IL12RB2: variants seen among roughly 807,000 people sequenced by gnomAD.
IL12RB2 encodes the protein interleukin 12 receptor subunit beta 2, also known as interleukin-12 receptor subunit beta-2.
A neutral mutation model predicts 89.4 loss-of-function variants in IL12RB2; 82 were observed. The observed-to-expected ratio is 0.92, with a 90% CI of 0.77 to 1.10. IL12RB2 has a LOEUF of 1.10. IL12RB2 is among the 50% of genes least tolerant of loss of function. The probability of loss-of-function intolerance (pLI) is 0.00; values close to 1 mark genes in which losing one functional copy is unlikely to be tolerated. For missense variants in IL12RB2, 963 were observed against 1,031.9 expected (o/e 0.93, Z 0.92); for synonymous variants, 368 against 370.1 (o/e 0.99, Z 0.07).
At chr1:67,372,078 CTG>C (rs10674846) in intron 11 of IL12RB2, among the ~76,000 whole-genome samples, 9 of 144,020 alleles carry the variant, frequency 6.2e-5, no homozygotes, top group East Asian at 2.2e-4. Context: ...GTGTGTGTGT[CTG>C]TGTGTGTGTG....
Position 67,380,082 on chromosome 1 carries a change from G to C in IL12RB2, c.1814G>C (p.Gly605Ala). ...VLWMTALTAA[G>A]ESSHGNEREF... ...TGGATGACAGCTCTGACAGCTGCTG[G>C]TGAAAGTTCCCACGGAAATGAGAGG... Residue 605 changes from glycine (G) to alanine (A), a missense_variant, in exon 14 of 17, where the codon GGT becomes GCT. Physicochemically the swap from Gly to Ala is moderately conservative, Grantham distance 60 (BLOSUM62 0). Coordinates refer to ENST00000674203, the MANE Select transcript of IL12RB2 (RefSeq NM_001374259.2). 1 of 1,614,192 alleles carries C rather than the reference G, an allele frequency of 6.2e-7. No homozygotes were observed. The highest frequency in any genetic ancestry group is 1.7e-5 in the Admixed American group (1 of 60,026).
intron 9 of IL12RB2, among the ~76,000 whole-genome samples, chr1:67,345,928 T>G (rs1224487557): frequency 6.6e-6 from 1 of 152,160 alleles, no homozygotes; most frequent in Non-Finnish European, 1.5e-5. Context: ...AAGTTTTGCT[T>G]TCATGAAAGT....
At chr1:67,390,721 T>C (rs759972434) in intron 16 of IL12RB2, among the ~76,000 whole-genome samples, 1 of 151,624 alleles carries the variant, frequency 6.6e-6, no homozygotes, top group African/African-American at 2.4e-5. Flanking sequence ...GGAAAGAAGG[T>C]GAGAAAGCTC....
intron 14 of IL12RB2, among the ~76,000 whole-genome samples, chr1:67,385,504 C>T (rs981436449): frequency 4.6e-5 from 7 of 152,194 alleles, no homozygotes; most frequent in African/African-American, 1.2e-4. Flanking sequence ...ATCACCATGG[C>T]ATTATGGCTT....
chr1:67,309,057 T>TATAC, intron 1 of IL12RB2, among the ~76,000 whole-genome samples: 1 of 151,518 alleles, frequency 6.6e-6, no homozygotes, highest in South Asian at 2.1e-4. Flanking sequence ...TATATATATA[T>TATAC]ATACACACAC....
At chr1:67,309,691 G>A (rs1323576145) in intron 1 of IL12RB2, among the ~76,000 whole-genome samples, 1 of 152,064 alleles carries the variant, frequency 6.6e-6, no homozygotes, top group Non-Finnish European at 1.5e-5. Flanking sequence ...GAGTTTTAGT[G>A]TGAAAAAAAA....
chr1:67,367,782 T>A (rs187137664), intron 10 of IL12RB2, 43 bp from the exon 11 acceptor site: 29 of 1,073,868 alleles, frequency 2.7e-5, no homozygotes, highest in Non-Finnish European at 3.8e-5. Context: ...TCTTTATCCC[T>A]CCTCTTTTTT....
intron 4 of IL12RB2, 32 bp downstream of exon 4, chr1:67,321,921 G>A: frequency 6.3e-7 from 1 of 1,587,444 alleles, no homozygotes; most frequent in Non-Finnish European, 8.7e-7. Context: ...TTTAAAACTT[G>A]GTGATCTTTT....
In IL12RB2 at chr1:67,308,256, C is replaced by G. The variant is rs116492621; in HGVS notation, c.-125+289C>G. Among the ~76,000 whole-genome samples the G allele has an allele frequency of 6.1e-3, 926 of 152,028 alleles. 6 individuals carry two copies. The highest frequency in any genetic ancestry group is 0.021 in the African/African-American group (853 of 41,468). On this transcript the variant is annotated intron_variant, in intron 1 of 16. Transcript: ENST00000674203. ...GGGAGGGAGCGCGCGGACTGAGCCT[C>G]CAAGGTACTCTCTGGGCCGGGGCAC...
At chr1:67,319,362 T>C (rs1441769055) in intron 2 of IL12RB2, among the ~76,000 whole-genome samples, 1 of 152,254 alleles carries the variant, frequency 6.6e-6, no homozygotes, top group African/African-American at 2.4e-5. Flanking sequence ...TGCCAGCTTA[T>C]GTTTTCTGAC....
intron 4 of IL12RB2, among the ~76,000 whole-genome samples, chr1:67,324,292 G>A (rs568006767): frequency 1.8e-4 from 28 of 152,250 alleles, no homozygotes; most frequent in African/African-American, 5.5e-4. Context: ...GCGCAATCTC[G>A]TCTCACTTCA....
At chr1:67,394,968 G>T (rs1310093109) in intron 16 of IL12RB2, among the ~76,000 whole-genome samples, 2 of 152,148 alleles carry the variant, frequency 1.3e-5, no homozygotes, top group African/African-American at 4.8e-5. Flanking sequence ...AGTATAGCTT[G>T]GTTCACATTA....
chr1:67,350,914 G>A lies in IL12RB2; in HGVS notation c.1083G>A (p.Gln361=). 1 of 1,614,086 alleles carries A rather than the reference G, an allele frequency of 6.2e-7. No homozygotes were observed. Among genetic ancestry groups the A allele is most frequent in the Non-Finnish European group, 8.5e-7 (1 of 1,179,990 alleles). Residue 361 remains glutamine, a synonymous_variant, in exon 10 of 17, where the codon CAG becomes CAA. Transcript: ENST00000674203. The part of the protein sequence containing the change: ...SEARGKILHY[Q]VTLQELTGGK... Reference sequence around the variant, plus strand: ...CAAGAGGAAAAATTCTCCACTATCAGGTGACCTTGCAGGAGCTGACAGGAG... The same window carrying A: ...CAAGAGGAAAAATTCTCCACTATCAAGTGACCTTGCAGGAGCTGACAGGAG...
At chr1:67,382,859 C>T (rs922803995) in intron 14 of IL12RB2, among the ~76,000 whole-genome samples, 1 of 152,128 alleles carries the variant, frequency 6.6e-6, no homozygotes, top group Non-Finnish European at 1.5e-5. Context: ...GCTCCTGCCA[C>T]CATGCCCAGC....
chr1:67,316,185 A>C (rs1424936887), intron 2 of IL12RB2, among the ~76,000 whole-genome samples: 1 of 152,176 alleles, frequency 6.6e-6, no homozygotes, highest in African/African-American at 2.4e-5. Context: ...AGGTATCTAA[A>C]TAAATTAGTT....
rs750958597 is a variant in IL12RB2 at position 67,395,878 on chromosome 1, A to C, written c.2378A>C (p.Asp793Ala). ...ACPWTVLPAG[D>A]LPTHDGYLPS... ...CCCTGGACGGTGCTCCCAGCAGGTG[A>C]CCTTCCCACCCATGATGGCTACTTA... Residue 793 changes from aspartate to alanine, a missense_variant, in exon 17 of 17, where the codon GAC (aspartate) becomes GCC (alanine). Physicochemically the swap from Asp to Ala is moderately radical, Grantham distance 126. Transcript: ENST00000674203. 33 of 1,608,424 alleles carry C rather than the reference A, an allele frequency of 2.1e-5. No homozygotes were observed. In the South Asian group the frequency reaches 3.4e-4, roughly 17 times the overall value.
intron 2 of IL12RB2, among the ~76,000 whole-genome samples, chr1:67,314,836 C>T (rs1036886678): frequency 2.0e-5 from 3 of 150,604 alleles, no homozygotes; most frequent in Admixed American, 6.6e-5. Context: ...CCGCCCACCC[C>T]ACCCCCATCC....
At chr1:67,372,308 G>A (rs1391666990) in intron 11 of IL12RB2, 128 bp from the exon 12 acceptor site, 1 of 738,700 alleles carries the variant, frequency 1.4e-6, no homozygotes, top group African/African-American at 1.7e-5. Flanking sequence ...GACTGTGCTT[G>A]AACCATCTTT....
At chr1:67,312,889 A>AGT (rs1342776519) in intron 1 of IL12RB2, among the ~76,000 whole-genome samples, 1 of 152,204 alleles carries the variant, frequency 6.6e-6, no homozygotes, top group African/African-American at 2.4e-5. Context: ...AAGGAAAACA[A>AGT]GTGTGTGTGT....
Sources: gnomAD v4.1 joint callset for allele counts (sites outside exome capture counted in the v4.1 genomes callset) on GRCh38, gnomAD v4.1.1 for gene constraint, MANE v1.5 for transcripts, NCBI Gene and HGNC (gene_info 2026-07-23, HGNC 2026-07-21) for gene names.